The following RYR2 variants were observed in gnomAD, a reference collection of about 807,000 sequenced individuals.
RYR2 encodes cardiac muscle ryanodine receptor-calcium release channel.
In RYR2, 227 loss-of-function variants were observed where a neutral mutation model predicts 601.1. That is an observed-to-expected ratio of 0.38 (90% confidence interval 0.34 to 0.42). The LOEUF is 0.42. Ranked by LOEUF, RYR2 falls within the 10% of genes least tolerant of loss-of-function variation. The pLI is 1.00. For synonymous variants in RYR2, 2,223 were observed against 2,175.1 expected (o/e 1.02, Z -0.61); for missense variants, 4,646 against 6,156.5 (o/e 0.75, Z 8.21).
chr1:237,709,861 C>T (rs1401568170), intron 70 of RYR2, among the ~76,000 whole-genome samples: 1 of 152,128 alleles, frequency 6.6e-6, no homozygotes, highest in African/African-American at 2.4e-5. Context: ...GCATTTTGTT[C>T]TCTTAATTTG....
At chr1:237,108,747 G>T (rs1474246800) in intron 1 of RYR2, among the ~76,000 whole-genome samples, 1 of 152,184 alleles carries the variant, frequency 6.6e-6, no homozygotes. Context: ...CAGGTGATTT[G>T]CATGATCAGG....
At chr1:237,552,680 T>A (rs1310285660) in intron 27 of RYR2, among the ~76,000 whole-genome samples, 2 of 152,034 alleles carry the variant, frequency 1.3e-5, no homozygotes, top group Admixed American at 6.5e-5. Flanking sequence ...TCATGATGCT[T>A]TTATGATCTT....
At chr1:237,654,170 G>A in intron 51 of RYR2, 104 bp from the exon 52 acceptor site, 1 of 1,398,136 alleles carries the variant, frequency 7.2e-7, no homozygotes, top group Non-Finnish European at 9.7e-7. Context: ...TTTCACTTCA[G>A]ATGACCTTAT....
chr1:237,273,197 TCAGG>T (rs1240040571), intron 2 of RYR2, among the ~76,000 whole-genome samples: 2 of 151,982 alleles, frequency 1.3e-5, no homozygotes. Flanking sequence ...TGACAGATCG[TCAGG>T]CATTAGATTC....
At chr1:237,226,100 T>C (rs1169565188) in intron 1 of RYR2, among the ~76,000 whole-genome samples, 1 of 152,026 alleles carries the variant, frequency 6.6e-6, no homozygotes, top group Non-Finnish European at 1.5e-5. Flanking sequence ...ATTAGCATTA[T>C]GTGTTAAGTC....
At chr1:237,775,423 A>G (rs1168262862) in intron 87 of RYR2, among the ~76,000 whole-genome samples, 1 of 152,164 alleles carries the variant, frequency 6.6e-6, no homozygotes, top group Non-Finnish European at 1.5e-5. Flanking sequence ...CATTACATCT[A>G]GTGAAATATA....
At chr1:237,203,791 C>G (rs1385791224) in intron 1 of RYR2, among the ~76,000 whole-genome samples, 1 of 152,058 alleles carries the variant, frequency 6.6e-6, no homozygotes, top group Non-Finnish European at 1.5e-5. Context: ...CACATGTTAC[C>G]AAGCTCCTAA....
chr1:237,669,177 G>A (rs1684606086), intron 58 of RYR2, among the ~76,000 whole-genome samples: 1 of 143,180 alleles, frequency 7.0e-6, no homozygotes, highest in Non-Finnish European at 1.6e-5. Context: ...ATGTTTCAGA[G>A]AGCACAGGGT....
chr1:237,778,086 CA>C (rs1279293860), intron 87 of RYR2, among the ~76,000 whole-genome samples: 11 of 152,170 alleles, frequency 7.2e-5, no homozygotes, highest in Non-Finnish European at 1.3e-4. Flanking sequence ...TTATTTTAAC[CA>C]CTTCCAATTG....
At chr1:237,737,070 C>T (rs1230255463) in intron 79 of RYR2, among the ~76,000 whole-genome samples, 1 of 152,112 alleles carries the variant, frequency 6.6e-6, no homozygotes, top group Non-Finnish European at 1.5e-5. Context: ...CAGGTAGAAG[C>T]TCCTGGTTTG....
intron 1 of RYR2, among the ~76,000 whole-genome samples, chr1:237,182,094 C>A (rs1344394816): frequency 7.5e-6 from 1 of 132,742 alleles, no homozygotes; most frequent in Non-Finnish European, 1.6e-5. Context: ...TGAGATGAAA[C>A]TCCCTGGGGT....
At chr1:237,687,417 C>T (rs758078113) in intron 62 of RYR2, 38 bp from the exon 63 acceptor site, 22 of 1,094,370 alleles carry the variant, frequency 2.0e-5, no homozygotes, top group South Asian at 2.9e-5. Flanking sequence ...CTTCCCTTCC[C>T]CCTTCCCTTT....
At chr1:237,526,715 T>C (rs1170571958) in intron 24 of RYR2, among the ~76,000 whole-genome samples, 2 of 152,232 alleles carry the variant, frequency 1.3e-5, no homozygotes, top group African/African-American at 2.4e-5. Context: ...GTGTGGATTC[T>C]GGATATTAGT....
intron 2 of RYR2, among the ~76,000 whole-genome samples, chr1:237,323,121 G>A (rs896185231): frequency 6.6e-6 from 1 of 151,928 alleles, no homozygotes; most frequent in Non-Finnish European, 1.5e-5. Context: ...TACTTGTTCG[G>A]GATACTTGTT....
At chr1:237,055,714 C>T (rs962029005) in intron 1 of RYR2, among the ~76,000 whole-genome samples, 3 of 152,158 alleles carry the variant, frequency 2.0e-5, no homozygotes, top group Non-Finnish European at 4.4e-5. Context: ...TGAATTATGG[C>T]TCCCTAAAAA....
chr1:237,823,988 G>T (rs909566365), intron 101 of RYR2, among the ~76,000 whole-genome samples: 10 of 152,180 alleles, frequency 6.6e-5, no homozygotes, highest in Non-Finnish European at 1.5e-4. Context: ...GGAAGAAGTT[G>T]AATCCCTGAA....
At chr1:237,044,936 A>G (rs1660382772) in intron 1 of RYR2, among the ~76,000 whole-genome samples, 1 of 146,182 alleles carries the variant, frequency 6.8e-6, no homozygotes, top group Non-Finnish European at 1.5e-5. Context: ...TGTCAATATG[A>G]GTTATTTCTT....
At chr1:237,472,455 C>T (rs578243582) in intron 17 of RYR2, among the ~76,000 whole-genome samples, 2 of 152,118 alleles carry the variant, frequency 1.3e-5, no homozygotes, top group Non-Finnish European at 2.9e-5. Context: ...CCTGAAACAC[C>T]TCGTTTACCA....
At chr1:237,163,285 T>C (rs958138824) in intron 1 of RYR2, among the ~76,000 whole-genome samples, 4 of 152,012 alleles carry the variant, frequency 2.6e-5, no homozygotes, top group African/African-American at 9.7e-5. Flanking sequence ...TTCCCATCAA[T>C]AGCATTTCCT....
Sources: gnomAD v4.1 joint callset for allele counts (sites outside exome capture counted in the v4.1 genomes callset) on GRCh38, gnomAD v4.1.1 for gene constraint, MANE v1.5 for transcripts, NCBI Gene and HGNC (gene_info 2026-07-23, HGNC 2026-07-21) for gene names.